Variants in SBNO2 observed in about 807,000 individuals in gnomAD.
SBNO2 encodes the protein strawberry notch homolog 2, also known as protein strawberry notch homolog 2.
SBNO2 carries 89 observed loss-of-function variants against 146.3 expected under a neutral mutation model. That is an observed-to-expected ratio of 0.61 (90% CI 0.51 to 0.73). SBNO2 has a LOEUF of 0.73. Among genes scored for constraint, SBNO2 ranks in the 30% least tolerant of loss-of-function variants. SBNO2 has a pLI of 0.00. For synonymous variants in SBNO2, 1,147 were observed against 892.6 expected (o/e 1.29, Z -5.08); for missense variants, 2,092 against 2,003.7 (o/e 1.04, Z -0.84).
rs1455666045 is a variant in SBNO2, at chr19:1,158,310, C to A, written c.-126-3908G>T. 6.6e-6 allele frequency among the ~76,000 whole-genome samples: 1 copy of A among 152,170 alleles called. No homozygotes were observed. The highest frequency in any genetic ancestry group is 1.5e-5 in the Non-Finnish European group (1 of 68,016). ...TGTCCTCGGAGCCCGGTTCTCCTGCCGTCCTCTCGCCGAGCAGGGTTGTGA... is the reference window on the plus strand; with the variant it reads ...TGTCCTCGGAGCCCGGTTCTCCTGCAGTCCTCTCGCCGAGCAGGGTTGTGA... On this transcript the variant is annotated intron_variant, in intron 1 of 31. Coordinates refer to ENST00000361757, the MANE Select transcript of SBNO2 (RefSeq NM_014963.3). The surrounding 1 kb of genome is among the most constrained non-coding windows in gnomAD (Gnocchi z 9.9).
rs1048851451 is a variant in SBNO2 at position 1,125,909 on chromosome 19, G to A, written c.441+1695C>T. On this transcript the variant is annotated intron_variant, in intron 5 of 31. Transcript: ENST00000361757. ...CTCGAGAGGCTGAGGCAGGAGGATC[G>A]CTTTAACCCAGAAGGTCGAGGCTGA... Among the ~76,000 whole-genome samples, 5 of 150,984 alleles carry A rather than the reference G, an allele frequency of 3.3e-5. No individual in the cohort carries two copies. In the East Asian group the frequency reaches 6.0e-4, roughly 18 times the overall value.
chr19:1,120,894 C>T lies in SBNO2; in HGVS notation c.1150-871G>A, dbSNP rs187921204. Among the ~76,000 whole-genome samples, 58 of 144,394 alleles carry T rather than the reference C, an allele frequency of 4.0e-4. 1 individual carries two copies. The highest frequency in any genetic ancestry group is 3.8e-3 in the Admixed American group (55 of 14,404). 94.7% of individuals were successfully genotyped at this position (144,394 alleles called of 152,430 possible). A position where few individuals can be genotyped will look rare whatever the true frequency, so the allele number is the denominator to read the frequency against. On this transcript the variant is annotated intron_variant, in intron 11 of 31. Coordinates refer to ENST00000361757, the MANE Select transcript of SBNO2 (RefSeq NM_014963.3). ...ATATTGGTCAAGACAGTCTGGAACT[C>T]TTTTTTTTTTTAGATGAGACACAGT...
At chr19:1,167,598 T>C (rs909094837) in intron 1 of SBNO2, among the ~76,000 whole-genome samples, 1 of 152,044 alleles carries the variant, frequency 6.6e-6, no homozygotes, top group African/African-American at 2.4e-5. Flanking sequence ...CCTCCCCTCC[T>C]CCAGCTGGAG....
intron 1 of SBNO2, among the ~76,000 whole-genome samples, chr19:1,164,132 C>A (rs2080378041): frequency 6.6e-6 from 1 of 152,250 alleles, no homozygotes; most frequent in Non-Finnish European, 1.5e-5. Context: ...GGGCTTCACA[C>A]TGCACCCCGA....
intron 1 of SBNO2, among the ~76,000 whole-genome samples, chr19:1,159,503 G>C (rs1268390217): frequency 1.0e-5 from 1 of 95,372 alleles, no homozygotes; most frequent in African/African-American, 4.5e-5. Flanking sequence ...TGGGGGGACA[G>C]GGGGCAGCAG....
chr19:1,115,656 T>C, intron 17 of SBNO2: 1 of 343,556 alleles, frequency 2.9e-6, no homozygotes, highest in Non-Finnish European at 5.4e-6. Flanking sequence ...AGCTCTGGGC[T>C]TCCCTGTGAC....
intron 1 of SBNO2, among the ~76,000 whole-genome samples, chr19:1,159,753 G>A (rs1164119002): frequency 5.1e-5 from 6 of 118,636 alleles, no homozygotes; most frequent in Non-Finnish European, 7.2e-5. Flanking sequence ...GGGAGACAGC[G>A]GGGAGATGGG....
intron 7 of SBNO2, 27 bp from the exon 8 acceptor site, chr19:1,123,072 G>A: frequency 6.3e-7 from 1 of 1,586,082 alleles, no homozygotes; most frequent in Non-Finnish European, 8.6e-7. Flanking sequence ...GGAGGGCAAG[G>A]TAAAGGGTAT....
chr19:1,113,685 C>T lies in SBNO2; in HGVS notation c.2097G>A (p.Gln699=). 1 of 1,586,010 alleles carries T rather than the reference C, an allele frequency of 6.3e-7. No individual in the cohort carries two copies. Among genetic ancestry groups the T allele is most frequent in the Non-Finnish European group, 8.6e-7 (1 of 1,167,288 alleles). Residue 699 remains glutamine, a synonymous_variant, in exon 19 of 32, where the codon CAG becomes CAA. Coordinates refer to ENST00000361757, the MANE Select transcript of SBNO2 (RefSeq NM_014963.3). ...GGACCCCGGGGCCATGCGGGTCTCT[C>T]TGCAGGAGGCACAGGGGTCCTAGGG... ...SDDRGPLCLL[Q]RDPHGPGVLE...
At position 1,140,557 on chromosome 19, in the gene SBNO2, G is replaced by A. The variant is rs546410941; in HGVS notation, c.279+6752C>T. On this transcript the variant is annotated intron_variant, in intron 4 of 31. Coordinates refer to ENST00000361757, the MANE Select transcript of SBNO2 (RefSeq NM_014963.3). This position sits in a 1 kb window ranked among gnomAD's most constrained non-coding sequence, Gnocchi z 4.4. Reference sequence around the variant, plus strand: ...ACACCGCGGGAGCCCCGCAGCCCACGGTGGATGCCAGCAGCGGCATCCTGG... The same window carrying A: ...ACACCGCGGGAGCCCCGCAGCCCACAGTGGATGCCAGCAGCGGCATCCTGG... Among the ~76,000 whole-genome samples the A allele has an allele frequency of 1.9e-3, 285 of 152,242 alleles. No individual in the cohort carries two copies. The highest frequency in any genetic ancestry group is 6.5e-3 in the African/African-American group (270 of 41,554).
chr19:1,161,506 G>A (rs1305975882), intron 1 of SBNO2, among the ~76,000 whole-genome samples: 16 of 93,056 alleles, frequency 1.7e-4, no homozygotes, highest in African/African-American at 6.9e-4. Flanking sequence ...CACTGGGGGT[G>A]GAGATGGGGG....
chr19:1,130,129 C>T (rs761522092), intron 4 of SBNO2, among the ~76,000 whole-genome samples: 4 of 152,138 alleles, frequency 2.6e-5, no homozygotes, highest in Admixed American at 6.6e-5. Flanking sequence ...CTAAACACCA[C>T]GTGGGGTCCT....
intron 4 of SBNO2, among the ~76,000 whole-genome samples, chr19:1,143,145 C>T (rs914691988): frequency 2.6e-5 from 4 of 152,122 alleles, no homozygotes; most frequent in African/African-American, 9.7e-5. Context: ...ACGGTGCCTC[C>T]GTTTCCCCTC....
chr19:1,159,441 CGGGGGTAGCAAGA>C (rs1019923138), intron 1 of SBNO2, among the ~76,000 whole-genome samples: 6 of 33,466 alleles, frequency 1.8e-4, no homozygotes, highest in Non-Finnish European at 3.4e-4. Flanking sequence ...CTTGGGGGGA[CGGGGGTAGCAAGA>C]GGGGGTAGCA....
intron 2 of SBNO2, among the ~76,000 whole-genome samples, chr19:1,149,755 C>G (rs2080225694): frequency 1.3e-5 from 2 of 152,214 alleles, no homozygotes; most frequent in Admixed American, 1.3e-4. Context: ...GTCTGCATCT[C>G]ACACAAGACC....
intron 1 of SBNO2, among the ~76,000 whole-genome samples, chr19:1,172,243 T>TC (rs1167856150): frequency 2.0e-5 from 3 of 152,126 alleles, no homozygotes; most frequent in Non-Finnish European, 4.4e-5. Flanking sequence ...CTCTGCCGTC[T>TC]CCCCTGCCGT....
At chr19:1,117,269 C>T in intron 15 of SBNO2, 54 bp downstream of exon 15, 2 of 1,497,218 alleles carry the variant, frequency 1.3e-6, no homozygotes, top group Non-Finnish European at 1.8e-6. Context: ...GAAGAGCAGC[C>T]TCCGCCCCTG....
Position 1,149,405 on chromosome 19 carries a change from G to T in SBNO2, c.131C>A (p.Ser44Ter). Residue 44 changes from serine to a stop codon, truncating the protein, a stop_gained, in exon 3 of 32, where the codon TCG becomes TAG. Coordinates refer to ENST00000361757, the MANE Select transcript of SBNO2 (RefSeq NM_014963.3). LOFTEE classifies it high-confidence loss of function. ...MLHCPYWNTFSLPPYPAFSSD... is the reference protein window; with the variant it reads ...MLHCPYWNTF Reference sequence around the variant, plus strand: ...GGAGAAGGCAGGGTATGGCGGCAGCGAGAAGGTGTTCCAGTAGGGGCAGTG... The same window carrying T: ...GGAGAAGGCAGGGTATGGCGGCAGCTAGAAGGTGTTCCAGTAGGGGCAGTG... 1 of 1,552,370 alleles carries T rather than the reference G, an allele frequency of 6.4e-7. No homozygotes were observed. Among genetic ancestry groups the T allele is most frequent in the Non-Finnish European group, 8.7e-7 (1 of 1,148,184 alleles).
At chr19:1,130,013 T>G (rs2080010345) in intron 4 of SBNO2, among the ~76,000 whole-genome samples, 1 of 152,058 alleles carries the variant, frequency 6.6e-6, no homozygotes, top group South Asian at 2.1e-4. Flanking sequence ...CCAGCCCGAC[T>G]ACTCCAGGGC....
Sources: gnomAD v4.1 joint callset for allele counts (sites outside exome capture counted in the v4.1 genomes callset) on GRCh38, gnomAD v4.1.1 for gene constraint, Gnocchi (gnomAD v3.1) non-coding constraint, MANE v1.5 for transcripts, NCBI Gene and HGNC (gene_info 2026-07-23, HGNC 2026-07-21) for gene names.